Variants in CNTN5 observed in about 807,000 individuals in gnomAD.
CNTN5 encodes contactin 5.
In CNTN5, 77 loss-of-function variants were observed where a neutral mutation model predicts 129.1. The observed-to-expected ratio is 0.60, with a 90% CI of 0.50 to 0.72. The LOEUF is 0.72. Ranked by LOEUF, CNTN5 falls within the 30% of genes least tolerant of loss-of-function variation. CNTN5 has a pLI of 0.00. For missense variants in CNTN5, 1,478 were observed against 1,328.8 expected (o/e 1.11, Z -1.75); for synonymous variants, 509 against 465.6 (o/e 1.09, Z -1.20).
In CNTN5 at chr11:99,315,818, A is replaced by AT. The variant is rs918898545; in HGVS notation, c.-209-9520dup. Among the ~76,000 whole-genome samples, 7 of 148,780 alleles carry AT rather than the reference A, an allele frequency of 4.7e-5. 1 individual carries two copies. The highest frequency in any genetic ancestry group is 1.2e-4 in the African/African-American group (5 of 40,882). On this transcript the variant is annotated intron_variant, in intron 1 of 24. Coordinates refer to ENST00000524871, the MANE Select transcript of CNTN5 (RefSeq NM_014361.4). ...ATTGAATATATATTGCAAGCCAGTG[A>AT]TTTTTTTTCATAGAGTATTTCTTTT... is the stretch of plus-strand genomic sequence containing the variant.
chr11:99,237,551 C>T (rs908053649), intron 1 of CNTN5, among the ~76,000 whole-genome samples: 6 of 152,048 alleles, frequency 3.9e-5, no homozygotes, highest in African/African-American at 9.7e-5. Flanking sequence ...CATGGTGGCA[C>T]ACACCTGTAG....
intron 7 of CNTN5, among the ~76,000 whole-genome samples, chr11:99,932,127 T>A (rs562382663): frequency 2.7e-5 from 4 of 150,752 alleles, no homozygotes; most frequent in Middle Eastern, 3.4e-3. Context: ...TTTGATCATG[T>A]CATTTCCAGT....
intron 23 of CNTN5, among the ~76,000 whole-genome samples, chr11:100,344,685 G>A (rs1260679620): frequency 6.6e-6 from 1 of 151,834 alleles, no homozygotes; most frequent in African/African-American, 2.4e-5. Context: ...TTAAGGTAAT[G>A]GATAACCCAA....
At chr11:100,316,894 G>T (rs1255179824) in intron 21 of CNTN5, among the ~76,000 whole-genome samples, 1 of 152,088 alleles carries the variant, frequency 6.6e-6, no homozygotes, top group Non-Finnish European at 1.5e-5. Context: ...ACATTTTAGT[G>T]CTTATTATCA....
intron 1 of CNTN5, among the ~76,000 whole-genome samples, chr11:99,048,604 G>A (rs1262225724): frequency 1.3e-5 from 2 of 152,056 alleles, no homozygotes; most frequent in South Asian, 4.2e-4. Flanking sequence ...GTATTTTTCT[G>A]GTGCCTTTCT....
chr11:100,251,552 C>A (rs541292851), intron 16 of CNTN5, among the ~76,000 whole-genome samples: 1 of 152,186 alleles, frequency 6.6e-6, no homozygotes, highest in Non-Finnish European at 1.5e-5. Flanking sequence ...TATCCTTTAA[C>A]AAATCTCTCC....
chr11:99,191,530 C>T (rs1045497460), intron 1 of CNTN5, among the ~76,000 whole-genome samples: 6 of 151,708 alleles, frequency 4.0e-5, no homozygotes, highest in South Asian at 2.1e-4. Context: ...TTCTTAAGTG[C>T]GCACAGAACA....
intron 2 of CNTN5, among the ~76,000 whole-genome samples, chr11:99,521,284 G>T (rs775677847): frequency 1.6e-4 from 25 of 152,172 alleles, no homozygotes; most frequent in Non-Finnish European, 1.6e-4. Context: ...GCTTCCAGAA[G>T]TTGGGCTTGC....
intron 13 of CNTN5, among the ~76,000 whole-genome samples, chr11:100,189,870 T>C (rs750078303): frequency 1.3e-5 from 2 of 152,148 alleles, no homozygotes; most frequent in Non-Finnish European, 2.9e-5. Context: ...AAATTTGTCT[T>C]CCTTCTTACA....
intron 8 of CNTN5, among the ~76,000 whole-genome samples, chr11:99,969,720 A>G (rs1418114817): frequency 1.3e-5 from 2 of 152,028 alleles, no homozygotes; most frequent in African/African-American, 4.8e-5. Context: ...AAACTCTTTC[A>G]TTTGTACCTT....
Position 100,146,081 on chromosome 11 carries a change from A to T in CNTN5, c.1581-45045A>T, listed in dbSNP as rs540685236. ...CTTTAGCTTCTCTGTAAATGTAGTA[A>T]ATACCGCTGTATAAATATAAGCATG... is the stretch of plus-strand genomic sequence containing the variant. On this transcript the variant is annotated intron_variant, in intron 13 of 24. Transcript: ENST00000524871. Among the ~76,000 whole-genome samples, 24 of 152,304 alleles carry T rather than the reference A, an allele frequency of 1.6e-4. No individual in the cohort carries two copies. In the South Asian group the frequency reaches 5.0e-3, roughly 32 times the overall value.
At chr11:99,466,560 T>C (rs1944952395) in intron 2 of CNTN5, among the ~76,000 whole-genome samples, 1 of 152,204 alleles carries the variant, frequency 6.6e-6, no homozygotes, top group South Asian at 2.1e-4. Flanking sequence ...ATAAATTTTT[T>C]ATTAGAGTAG....
intron 3 of CNTN5, among the ~76,000 whole-genome samples, chr11:99,738,770 C>T (rs904036903): frequency 2.0e-5 from 3 of 151,876 alleles, no homozygotes; most frequent in Admixed American, 6.6e-5. Flanking sequence ...CAAAGGAACT[C>T]GTACTCTATC....
chr11:100,122,796 A>G (rs1565262215), intron 13 of CNTN5, among the ~76,000 whole-genome samples: 1 of 152,068 alleles, frequency 6.6e-6, no homozygotes, highest in Non-Finnish European at 1.5e-5. Flanking sequence ...TTAGGCTACA[A>G]AAGTACTTTG....
At chr11:99,674,873 C>A (rs1420022000) in intron 3 of CNTN5, among the ~76,000 whole-genome samples, 1 of 152,106 alleles carries the variant, frequency 6.6e-6, no homozygotes, top group Non-Finnish European at 1.5e-5. Context: ...TATAAACTTC[C>A]CCTTTTTGCC....
intron 1 of CNTN5, among the ~76,000 whole-genome samples, chr11:99,063,507 CATAAATAAATAAATAA>C (rs67049549): frequency 0.4 from 59,685 of 148,626 alleles, 12,674 homozygotes; most frequent in Non-Finnish European, 0.48. Context: ...ACTGAAAACT[CATAAATAAATAAATAA>C]ATAAATAAAT....
chr11:100,176,650 G>A (rs755432042), intron 13 of CNTN5, among the ~76,000 whole-genome samples: 16 of 152,026 alleles, frequency 1.1e-4, no homozygotes, highest in Non-Finnish European at 2.4e-4. Flanking sequence ...CCACTGAAAA[G>A]CATGTGGTCT....
intron 1 of CNTN5, among the ~76,000 whole-genome samples, chr11:99,194,502 AAT>A (rs1157996298): frequency 6.6e-6 from 1 of 152,208 alleles, no homozygotes; most frequent in Non-Finnish European, 1.5e-5. Flanking sequence ...TCTCTAATAT[AAT>A]AATTTGATTA....
chr11:99,257,340 G>A (rs986360948), intron 1 of CNTN5, among the ~76,000 whole-genome samples: 2 of 152,064 alleles, frequency 1.3e-5, no homozygotes, highest in African/African-American at 4.8e-5. Flanking sequence ...GCTCAACGTT[G>A]CACAACCTCA....
Sources: gnomAD v4.1 joint callset for allele counts (sites outside exome capture counted in the v4.1 genomes callset) on GRCh38, gnomAD v4.1.1 for gene constraint, MANE v1.5 for transcripts, NCBI Gene and HGNC (gene_info 2026-07-23, HGNC 2026-07-21) for gene names.